CADM2: variants seen among roughly 807,000 people sequenced by gnomAD.
CADM2 encodes immunoglobulin superfamily member 4D.
A neutral mutation model predicts 49.8 loss-of-function variants in CADM2; 12 were observed. The observed-to-expected ratio is 0.24, with a 90% CI of 0.15 to 0.39. The LOEUF (loss-of-function observed/expected upper bound fraction) is 0.39. Among genes scored for constraint, CADM2 ranks in the 10% least tolerant of loss-of-function variants. CADM2 has a pLI of 1.00. For missense variants in CADM2, 378 were observed against 492.3 expected (o/e 0.77, Z 2.20); for synonymous variants, 214 against 175.4 (o/e 1.22, Z -1.74).
intron 1 of CADM2, among the ~76,000 whole-genome samples, chr3:85,151,270 G>A (rs776514376): frequency 9.3e-5 from 14 of 151,192 alleles, no homozygotes; most frequent in East Asian, 3.9e-4. Flanking sequence ...TAGCCTTTCC[G>A]TTCTACTGAG....
At chr3:85,511,506 T>C (rs2040615313) in intron 1 of CADM2, among the ~76,000 whole-genome samples, 1 of 152,092 alleles carries the variant, frequency 6.6e-6, no homozygotes. Flanking sequence ...AATACATTTG[T>C]AATAAGGATG....
At chr3:86,008,085 T>C (rs1385309868) in intron 8 of CADM2, among the ~76,000 whole-genome samples, 1 of 152,146 alleles carries the variant, frequency 6.6e-6, no homozygotes, top group Non-Finnish European at 1.5e-5. Flanking sequence ...CACAGCATTC[T>C]CAAATATCAA....
In CADM2 at chr3:85,291,667, A is replaced by G. The variant is rs868035947; in HGVS notation, c.61+331999A>G. ...TTAAAGAAAAGAATTTTCAACCCAGAATTTCATATCCAGGCAAACTAAGCT... is the reference window on the plus strand; with the variant it reads ...TTAAAGAAAAGAATTTTCAACCCAGGATTTCATATCCAGGCAAACTAAGCT... On this transcript the variant is annotated intron_variant, in intron 1 of 9. Coordinates refer to ENST00000383699, the MANE Select transcript of CADM2 (RefSeq NM_001167675.2). 2.4e-4 allele frequency among the ~76,000 whole-genome samples: 36 copies of G among 147,438 alleles called. 1 individual carries two copies. Among genetic ancestry groups the G allele is most frequent in the Middle Eastern group, 6.8e-3 (2 of 294 alleles).
In CADM2 at chr3:85,199,904, A is replaced by T. The variant is rs113879757; in HGVS notation, c.61+240236A>T. Among the ~76,000 whole-genome samples the T allele has an allele frequency of 6.9e-3, 1,056 of 152,180 alleles. 11 individuals carry two copies. The highest frequency in any genetic ancestry group is 0.023 in the African/African-American group (966 of 41,584). On this transcript the variant is annotated intron_variant, in intron 1 of 9. Coordinates refer to ENST00000383699, the MANE Select transcript of CADM2 (RefSeq NM_001167675.2). The stretch of plus-strand genomic sequence containing the variant: ...TACAGAGGTGATTTTTTAGCTGCTT[A>T]TTGAAAAGTTTACTGTATCTTATCT...
chr3:85,293,490 G>A (rs1350325022), intron 1 of CADM2, among the ~76,000 whole-genome samples: 18 of 138,802 alleles, frequency 1.3e-4, no homozygotes, highest in African/African-American at 5.0e-4. Flanking sequence ...AACCAAAAAA[G>A]AGAATTTTAG....
At chr3:85,259,761 G>T (rs9821283) in intron 1 of CADM2, among the ~76,000 whole-genome samples, 6,103 of 152,042 alleles carry the variant, frequency 0.04, 149 homozygotes, top group Middle Eastern at 0.082. Context: ...TGTTTCTTTG[G>T]CTTGAATGAT....
chr3:85,383,469 G>GA (rs2034013849), intron 1 of CADM2, among the ~76,000 whole-genome samples: 3 of 140,042 alleles, frequency 2.1e-5, no homozygotes, highest in Admixed American at 2.1e-4. Flanking sequence ...CAAGATTGTG[G>GA]AAAAAAGTTA....
At chr3:85,052,630 A>G (rs1182708276) in intron 1 of CADM2, among the ~76,000 whole-genome samples, 3 of 152,082 alleles carry the variant, frequency 2.0e-5, no homozygotes, top group African/African-American at 7.2e-5. Context: ...TCTAAATTCT[A>G]AGGAACAGAG....
intron 1 of CADM2, among the ~76,000 whole-genome samples, chr3:85,185,225 A>G (rs903545738): frequency 6.6e-6 from 1 of 152,022 alleles, no homozygotes; most frequent in Non-Finnish European, 1.5e-5. Context: ...CAGCACTATG[A>G]CTAATGTTCT....
chr3:85,880,953 C>G (rs1021143345), intron 3 of CADM2, among the ~76,000 whole-genome samples: 5 of 152,110 alleles, frequency 3.3e-5, no homozygotes, highest in African/African-American at 1.2e-4. Context: ...TGTTTTCAAC[C>G]ATTATTTCTT....
rs1052254336 is a variant in CADM2, at chr3:85,330,677, C to T, written c.61+371009C>T. Among the ~76,000 whole-genome samples, 5 of 151,904 alleles carry T rather than the reference C, an allele frequency of 3.3e-5. 1 individual carries two copies. In the East Asian group the frequency reaches 9.7e-4, roughly 29 times the overall value. ...AAACACTTCAAAAAAAATGTTTAGG[C>T]CAGGGGCAGTGGCTCATGCCTATAA... On this transcript the variant is annotated intron_variant, in intron 1 of 9. Transcript: ENST00000383699.
intron 3 of CADM2, among the ~76,000 whole-genome samples, chr3:85,827,348 A>G (rs9309992): frequency 0.7 from 106,828 of 151,854 alleles, 39,114 homozygotes; most frequent in African/African-American, 0.92. Context: ...CAAAATTCGT[A>G]TACATTTTAT....
chr3:85,271,608 C>A (rs1369939670), intron 1 of CADM2, among the ~76,000 whole-genome samples: 1 of 151,062 alleles, frequency 6.6e-6, no homozygotes, highest in African/African-American at 2.4e-5. Context: ...AACCATATCT[C>A]CTGCCTCTAT....
intron 1 of CADM2, among the ~76,000 whole-genome samples, chr3:85,283,771 G>A (rs2043561193): frequency 1.3e-5 from 2 of 152,116 alleles, no homozygotes. Context: ...AGAATGTGAA[G>A]TCAAGTCCAA....
intron 1 of CADM2, among the ~76,000 whole-genome samples, chr3:85,153,175 G>T (rs1031428242): frequency 6.6e-6 from 1 of 152,066 alleles, no homozygotes; most frequent in Non-Finnish European, 1.5e-5. Flanking sequence ...CAGAGGTACC[G>T]GGTTCATCTC....
chr3:85,092,554 A>C (rs2037637011), intron 1 of CADM2, among the ~76,000 whole-genome samples: 1 of 152,194 alleles, frequency 6.6e-6, no homozygotes, highest in Non-Finnish European at 1.5e-5. Context: ...AATAAATGTA[A>C]GAATCATTAC....
chr3:85,298,386 T>C (rs572225164), intron 1 of CADM2, among the ~76,000 whole-genome samples: 3 of 152,156 alleles, frequency 2.0e-5, no homozygotes, highest in Non-Finnish European at 4.4e-5. Flanking sequence ...TGAGATCTAA[T>C]TGCTTGCAGC....
chr3:85,370,294 C>T (rs902349654), intron 1 of CADM2, among the ~76,000 whole-genome samples: 3 of 148,908 alleles, frequency 2.0e-5, no homozygotes, highest in East Asian at 2.0e-4. Flanking sequence ...GTGGCGGGGG[C>T]GCCTGTAATC....
chr3:85,990,042 A>AAAGAAG (rs1553718800), intron 8 of CADM2, among the ~76,000 whole-genome samples: 3 of 108,112 alleles, frequency 2.8e-5, no homozygotes, highest in Non-Finnish European at 6.1e-5. Flanking sequence ...AAAAAAAAAA[A>AAAGAAG]AAGAAGACTA....
Sources: gnomAD v4.1 joint callset for allele counts (sites outside exome capture counted in the v4.1 genomes callset) on GRCh38, gnomAD v4.1.1 for gene constraint, MANE v1.5 for transcripts, NCBI Gene and HGNC (gene_info 2026-07-23, HGNC 2026-07-21) for gene names.